Variants in ACVR1B observed in about 807,000 individuals in gnomAD.
ACVR1B encodes activin receptor type-1B.
Under a neutral mutation model 55.6 loss-of-function variants are expected in ACVR1B, and 15 were observed. The observed-to-expected ratio is 0.27, with a 90% CI of 0.18 to 0.42. The LOEUF (loss-of-function observed/expected upper bound fraction) is 0.42. ACVR1B is among the 10% of genes least tolerant of loss of function. ACVR1B has a pLI of 1.00. For synonymous variants in ACVR1B, 247 were observed against 254.6 expected, an observed-to-expected ratio of 0.97 and a Z score of 0.28; for missense variants, 359 against 670.1, an observed-to-expected ratio of 0.54 and a Z score of 5.13.
chr12:51,989,241 GTTTTTC>G (rs1037300021), intron 7 of ACVR1B, among the ~76,000 whole-genome samples: 2 of 152,104 alleles, frequency 1.3e-5, no homozygotes, highest in East Asian at 1.9e-4. Context: ...GTTTTGTTTT[GTTTTTC>G]TTTTTCTGGA....
At chr12:51,980,325 G>A (rs1240902755) in intron 3 of ACVR1B, among the ~76,000 whole-genome samples, 1 of 152,164 alleles carries the variant, frequency 6.6e-6, no homozygotes, top group Non-Finnish European at 1.5e-5. Context: ...ACTTGTGATG[G>A]TAAGGGTGAT....
chr12:51,953,249 C>T, intron 1 of ACVR1B: 1 of 719,608 alleles, frequency 1.4e-6, no homozygotes, highest in Non-Finnish European at 1.7e-6. Flanking sequence ...GTTCAGTCGT[C>T]TTTAATAAAC....
chr12:51,993,368 C>T (rs1465883966), intron 8 of ACVR1B, among the ~76,000 whole-genome samples: 2 of 152,198 alleles, frequency 1.3e-5, no homozygotes, highest in Non-Finnish European at 2.9e-5. Context: ...CACCGCACTC[C>T]TTGGAACCCT....
intron 1 of ACVR1B, among the ~76,000 whole-genome samples, chr12:51,954,393 TTTCTC>T (rs1298349925): frequency 6.6e-6 from 1 of 152,234 alleles, no homozygotes; most frequent in Non-Finnish European, 1.5e-5. Flanking sequence ...ATGACATTCA[TTTCTC>T]AAGACAAAAG....
At chr12:51,964,320 A>C (rs1412118877) in intron 1 of ACVR1B, among the ~76,000 whole-genome samples, 2 of 151,954 alleles carry the variant, frequency 1.3e-5, no homozygotes, top group African/African-American at 2.4e-5. Flanking sequence ...TTCAGTTTTT[A>C]ATTGGGTTGT....
chr12:51,967,616 T>C (rs982833101), intron 1 of ACVR1B, among the ~76,000 whole-genome samples: 2 of 152,314 alleles, frequency 1.3e-5, no homozygotes, highest in Non-Finnish European at 2.9e-5. Context: ...TGCTAGAGAA[T>C]CGGTGGCTGG....
chr12:51,993,880 A>C (rs1942245026), intron 8 of ACVR1B, 105 bp from the exon 9 acceptor site: 3 of 1,432,444 alleles, frequency 2.1e-6, no homozygotes, highest in Non-Finnish European at 2.8e-6. Flanking sequence ...TGGATCTGCC[A>C]GACTGCACTG....
chr12:51,955,955 C>G (rs1941400704), intron 1 of ACVR1B, among the ~76,000 whole-genome samples: 1 of 152,252 alleles, frequency 6.6e-6, no homozygotes, highest in Admixed American at 6.5e-5. Flanking sequence ...GTTTTTCACT[C>G]TCATGCAGGT....
chr12:51,977,948 C>T (rs896822993), intron 3 of ACVR1B, among the ~76,000 whole-genome samples: 23 of 152,014 alleles, frequency 1.5e-4, no homozygotes, highest in African/African-American at 3.9e-4. Flanking sequence ...GAGAACTTTG[C>T]GTGTTTTTAT....
chr12:51,959,155 A>G (rs913598566), intron 1 of ACVR1B, among the ~76,000 whole-genome samples: 7 of 152,188 alleles, frequency 4.6e-5, no homozygotes, highest in African/African-American at 1.7e-4. Context: ...TGCTTCAGGT[A>G]TTCAGTCAAA....
At chr12:51,975,143 C>T in intron 1 of ACVR1B, 122 bp from the exon 2 acceptor site, 1 of 1,390,744 alleles carries the variant, frequency 7.2e-7, no homozygotes, top group Non-Finnish European at 9.6e-7. Flanking sequence ...CTTTTTGGCC[C>T]CATCTCTATA....
intron 1 of ACVR1B, among the ~76,000 whole-genome samples, chr12:51,963,175 T>C (rs1941569595): frequency 6.6e-6 from 1 of 152,192 alleles, no homozygotes; most frequent in East Asian, 1.9e-4. Flanking sequence ...TTAGTAGTGT[T>C]TAAGTACCTT....
chr12:51,973,850 C>T (rs1268257990), intron 1 of ACVR1B, among the ~76,000 whole-genome samples: 2 of 152,134 alleles, frequency 1.3e-5, no homozygotes, highest in Non-Finnish European at 2.9e-5. Context: ...AGGGCTGCCT[C>T]CTTGGTTTCC....
At chr12:51,955,468 G>A (rs949321975) in intron 1 of ACVR1B, among the ~76,000 whole-genome samples, 6 of 152,216 alleles carry the variant, frequency 3.9e-5, no homozygotes, top group Non-Finnish European at 5.9e-5. Context: ...GTTGAATTGG[G>A]TTGCAGTCTG....
intron 8 of ACVR1B, among the ~76,000 whole-genome samples, chr12:51,993,698 C>T (rs1021016148): frequency 2.3e-5 from 3 of 133,136 alleles, no homozygotes; most frequent in East Asian, 2.6e-4. Flanking sequence ...ACCCGGGAGG[C>T]GGAGGTTGCG....
intron 7 of ACVR1B, among the ~76,000 whole-genome samples, chr12:51,989,371 G>A (rs2934413): frequency 6.6e-6 from 1 of 151,910 alleles, no homozygotes; most frequent in African/African-American, 2.4e-5. Flanking sequence ...TGCAACCTCC[G>A]CCTCCTGGGT....
chr12:51,980,852 G>A (rs1592256290), intron 3 of ACVR1B, 117 bp from the exon 4 acceptor site: 1 of 813,040 alleles, frequency 1.2e-6, no homozygotes, highest in African/African-American at 1.7e-5. Flanking sequence ...ATGGTTAATG[G>A]ACAGCGTAGG....
chr12:51,987,979 T>C (rs1942114513), intron 7 of ACVR1B, among the ~76,000 whole-genome samples: 1 of 152,200 alleles, frequency 6.6e-6, no homozygotes, highest in Non-Finnish European at 1.5e-5. Flanking sequence ...TCTACTGTGT[T>C]CCCACAAAAA....
intron 2 of ACVR1B, among the ~76,000 whole-genome samples, chr12:51,975,947 T>C (rs1048400337): frequency 2.0e-5 from 3 of 152,172 alleles, no homozygotes; most frequent in African/African-American, 7.2e-5. Flanking sequence ...TTTGCAAGCC[T>C]ACCATTCAGG....
Sources: allele counts gnomAD v4.1 joint callset (sites outside exome capture counted in the v4.1 genomes callset), GRCh38; gene constraint gnomAD v4.1.1; transcripts MANE v1.5; gene names NCBI Gene and HGNC (gene_info 2026-07-23, HGNC 2026-07-21).